Variants in KCNH8 observed in about 807,000 individuals in gnomAD.
KCNH8 encodes potassium voltage-gated channel subfamily H member 8.
A neutral mutation model predicts 103.6 loss-of-function variants in KCNH8; 70 were observed. The ratio of observed to expected loss-of-function variants is 0.68; its 90% confidence interval spans 0.56 to 0.82. KCNH8 has a LOEUF of 0.82. Among genes scored for constraint, KCNH8 ranks in the 40% least tolerant of loss-of-function variants. The pLI is 0.00. For synonymous variants in KCNH8, 498 were observed against 489.4 expected (o/e 1.02, Z -0.23); for missense variants, 1,217 against 1,329.9 (o/e 0.92, Z 1.32).
At chr3:19,176,879 G>A (rs1429757414) in intron 1 of KCNH8, among the ~76,000 whole-genome samples, 1 of 151,946 alleles carries the variant, frequency 6.6e-6, no homozygotes, top group Non-Finnish European at 1.5e-5. Flanking sequence ...GTGAGCCTCT[G>A]GTCACAATAA....
intron 7 of KCNH8, among the ~76,000 whole-genome samples, chr3:19,414,950 A>C (rs2066840174): frequency 6.6e-6 from 1 of 151,974 alleles, no homozygotes; most frequent in African/African-American, 2.4e-5. Flanking sequence ...TAATTGCTTA[A>C]TTTCTATTTT....
At chr3:19,365,559 T>C (rs1319084533) in intron 5 of KCNH8, among the ~76,000 whole-genome samples, 2 of 152,188 alleles carry the variant, frequency 1.3e-5, no homozygotes, top group East Asian at 3.9e-4. Flanking sequence ...AATATAAAAA[T>C]CGTAATGAAC....
At chr3:19,219,596 C>T (rs1238510568) in intron 1 of KCNH8, among the ~76,000 whole-genome samples, 1 of 152,162 alleles carries the variant, frequency 6.6e-6, no homozygotes, top group African/African-American at 2.4e-5. Context: ...ATATCTGAAA[C>T]AAGTTTCTTG....
chr3:19,392,401 A>G (rs1412917926), intron 6 of KCNH8, among the ~76,000 whole-genome samples: 3 of 151,744 alleles, frequency 2.0e-5, no homozygotes, highest in Non-Finnish European at 4.4e-5. Flanking sequence ...GAGTGAGCAT[A>G]TGAGAATTTA....
chr3:19,159,942 C>A (rs569199191), intron 1 of KCNH8, among the ~76,000 whole-genome samples: 37 of 152,082 alleles, frequency 2.4e-4, no homozygotes, highest in African/African-American at 8.7e-4. Context: ...TAGAACTTTT[C>A]AGTATCTTTG....
chr3:19,255,286 C>A (rs536958958), intron 2 of KCNH8, among the ~76,000 whole-genome samples: 1 of 152,176 alleles, frequency 6.6e-6, no homozygotes, highest in Non-Finnish European at 1.5e-5. Context: ...CTACCTAGTC[C>A]GTGTTATTTT....
intron 7 of KCNH8, among the ~76,000 whole-genome samples, chr3:19,417,327 C>A (rs978703094): frequency 2.0e-4 from 30 of 151,130 alleles, no homozygotes; most frequent in Admixed American, 1.8e-3. Context: ...GTATTAATTT[C>A]TGCTGAAATA....
chr3:19,492,862 TG>T (rs2068355593), intron 11 of KCNH8, among the ~76,000 whole-genome samples: 1 of 150,164 alleles, frequency 6.7e-6, no homozygotes, highest in African/African-American at 2.5e-5. Flanking sequence ...TGTGTGTGTG[TG>T]TGTGTGTGTG....
chr3:19,434,520 A>AT, intron 7 of KCNH8, among the ~76,000 whole-genome samples: 1 of 152,262 alleles, frequency 6.6e-6, no homozygotes, highest in East Asian at 1.9e-4. Context: ...AGAAGCTCCC[A>AT]TGTTATGCCC....
intron 11 of KCNH8, among the ~76,000 whole-genome samples, chr3:19,468,713 C>A (rs1489831508): frequency 2.0e-5 from 3 of 152,136 alleles, no homozygotes; most frequent in African/African-American, 7.2e-5. Flanking sequence ...TTTCCATGAA[C>A]TATTGAGTTA....
chr3:19,383,904 T>C (rs2125126537), intron 5 of KCNH8, among the ~76,000 whole-genome samples: 1 of 152,258 alleles, frequency 6.6e-6, no homozygotes, highest in African/African-American at 2.4e-5. Context: ...TAAATAAGGT[T>C]TTTTCAGTAT....
chr3:19,410,777 G>C (rs988584467), intron 7 of KCNH8, among the ~76,000 whole-genome samples: 8 of 150,870 alleles, frequency 5.3e-5, no homozygotes, highest in African/African-American at 2.0e-4. Flanking sequence ...ATAAATTCTT[G>C]GAAAGATAAA....
chr3:19,243,223 G>A (rs1184176583), intron 1 of KCNH8, among the ~76,000 whole-genome samples: 4 of 152,110 alleles, frequency 2.6e-5, no homozygotes, highest in African/African-American at 9.7e-5. Context: ...GTAATGCAGA[G>A]TCAGCATACA....
At chr3:19,499,223 G>C (rs1052023940) in intron 11 of KCNH8, among the ~76,000 whole-genome samples, 2 of 152,146 alleles carry the variant, frequency 1.3e-5, no homozygotes, top group South Asian at 2.1e-4. Context: ...AATGAAGCGA[G>C]AAGGGAAGTT....
At chr3:19,524,379 CT>C (rs1290295583) in intron 15 of KCNH8, among the ~76,000 whole-genome samples, 1 of 151,816 alleles carries the variant, frequency 6.6e-6, no homozygotes, top group Non-Finnish European at 1.5e-5. Flanking sequence ...AACGGTTTTT[CT>C]TTTAATTTTT....
At chr3:19,403,278 C>T (rs1469528900) in intron 7 of KCNH8, among the ~76,000 whole-genome samples, 2 of 149,470 alleles carry the variant, frequency 1.3e-5, no homozygotes, top group African/African-American at 4.9e-5. Flanking sequence ...CTGTACTCTA[C>T]ATAGTCCTCA....
intron 7 of KCNH8, among the ~76,000 whole-genome samples, chr3:19,415,176 A>T (rs532875848): frequency 6.6e-6 from 1 of 152,000 alleles, no homozygotes. Flanking sequence ...ATAATAGCAG[A>T]CATACATGAA....
intron 7 of KCNH8, among the ~76,000 whole-genome samples, chr3:19,396,392 T>G (rs2066518701): frequency 6.6e-6 from 1 of 152,004 alleles, no homozygotes; most frequent in African/African-American, 2.4e-5. Flanking sequence ...GCTGGAGACC[T>G]TAGGAAAGCA....
At chr3:19,246,765 G>A (rs1234047958) in intron 1 of KCNH8, among the ~76,000 whole-genome samples, 5 of 152,088 alleles carry the variant, frequency 3.3e-5, no homozygotes, top group Non-Finnish European at 2.9e-5. Context: ...ACTTTAATGT[G>A]TATATGAATC....
Sources: allele counts gnomAD v4.1 joint callset (sites outside exome capture counted in the v4.1 genomes callset), GRCh38; gene constraint gnomAD v4.1.1; transcripts MANE v1.5; gene names NCBI Gene and HGNC (gene_info 2026-07-23, HGNC 2026-07-21).